Variants in CAMTA1 observed in about 807,000 individuals in gnomAD.
CAMTA1 encodes calmodulin-binding transcription activator 1.
Under a neutral mutation model 170.9 loss-of-function variants are expected in CAMTA1, and 27 were observed. The observed-to-expected ratio is 0.16, with a 90% CI of 0.12 to 0.22. CAMTA1 has a LOEUF of 0.22. Ranked by LOEUF, CAMTA1 falls within the 10% of genes least tolerant of loss-of-function variation. The probability of loss-of-function intolerance (pLI) is 1.00; values close to 1 mark genes in which losing one functional copy is unlikely to be tolerated. For missense variants in CAMTA1, 1,619 were observed against 2,217.2 expected (o/e 0.73, Z 5.42); for synonymous variants, 833 against 891.5 (o/e 0.93, Z 1.17).
At chr1:6,989,820 G>A (rs1407241886) in intron 3 of CAMTA1, among the ~76,000 whole-genome samples, 2 of 152,260 alleles carry the variant, frequency 1.3e-5, no homozygotes, top group African/African-American at 2.4e-5. Flanking sequence ...CCATTACCTA[G>A]ACCTTTCAAA....
chr1:7,651,910 CA>C (rs2095850731), intron 7 of CAMTA1, among the ~76,000 whole-genome samples: 1 of 152,252 alleles, frequency 6.6e-6, no homozygotes, highest in South Asian at 2.1e-4. Context: ...ACATAGCCAG[CA>C]CAGGGCATCG....
At chr1:6,863,843 A>C (rs1056405836) in intron 3 of CAMTA1, among the ~76,000 whole-genome samples, 3 of 152,188 alleles carry the variant, frequency 2.0e-5, no homozygotes, top group Non-Finnish European at 4.4e-5. Context: ...GTTCTTTTTC[A>C]GAATCCCATT....
At chr1:7,367,909 C>T (rs1007235882) in intron 5 of CAMTA1, among the ~76,000 whole-genome samples, 32 of 151,670 alleles carry the variant, frequency 2.1e-4, no homozygotes, top group Non-Finnish European at 2.9e-4. Flanking sequence ...TGGGCACAGA[C>T]ACTGGGCACT....
intron 16 of CAMTA1, among the ~76,000 whole-genome samples, chr1:7,739,457 G>T (rs543309781): frequency 6.6e-6 from 1 of 152,160 alleles, no homozygotes; most frequent in East Asian, 1.9e-4. Flanking sequence ...GAGTTGCCGG[G>T]GGCACCACTT....
intron 11 of CAMTA1, among the ~76,000 whole-genome samples, chr1:7,683,540 C>A (rs1381916075): frequency 1.3e-5 from 2 of 149,716 alleles, no homozygotes; most frequent in Non-Finnish European, 3.0e-5. Flanking sequence ...AGGACGCCCA[C>A]CCCACCGAGA....
Position 7,468,986 on chromosome 1 carries a change from G to A in CAMTA1, c.510+1085G>A, listed in dbSNP as rs1028840913. Among the ~76,000 whole-genome samples the A allele has an allele frequency of 1.4e-4, 21 of 152,200 alleles. 1 individual carries two copies. Among genetic ancestry groups the A allele is most frequent in the Admixed American group, 1.2e-3 (18 of 15,286 alleles). On this transcript the variant is annotated intron_variant, in intron 6 of 22. Coordinates refer to ENST00000303635, the MANE Select transcript of CAMTA1 (RefSeq NM_015215.4). ...GTGCCCACAGGGCCGGAGCCATGTC[G>A]ATGTGGAGGCCGGGCTCAGCCTAGA... is the stretch of plus-strand genomic sequence containing the variant.
Position 7,732,388 on chromosome 1 carries a change from C to G in CAMTA1, c.2915-60C>G. On this transcript the variant is annotated intron_variant, in intron 11 of 22. Coordinates refer to ENST00000303635, the MANE Select transcript of CAMTA1 (RefSeq NM_015215.4). The surrounding 1 kb of genome is among the most constrained non-coding windows in gnomAD (Gnocchi z 4.1). ...GCTGGTCCCGCAAGGCTGGCGAGGC[C>G]ACGTGTTGACTGCTTTTCTTCCAGA... is the stretch of plus-strand genomic sequence containing the variant. 6.7e-7 allele frequency: 1 copy of G among 1,490,874 alleles called. No homozygotes were observed. Among genetic ancestry groups the G allele is most frequent in the Non-Finnish European group, 9.3e-7 (1 of 1,070,296 alleles). The allele number at this position is 1,490,874 out of a possible 1,614,324, so 92.4% of individuals were successfully genotyped here.
chr1:7,486,627 A>T (rs2093621400), intron 6 of CAMTA1, among the ~76,000 whole-genome samples: 1 of 152,204 alleles, frequency 6.6e-6, no homozygotes, highest in South Asian at 2.1e-4. Flanking sequence ...CTGTTGCTAC[A>T]GCTCAGCTCC....
At chr1:7,158,270 C>T (rs1647011974) in intron 4 of CAMTA1, among the ~76,000 whole-genome samples, 4 of 152,168 alleles carry the variant, frequency 2.6e-5, no homozygotes, top group Admixed American at 2.0e-4. Context: ...TTATATGTTT[C>T]ATTTATATCA....
At chr1:7,576,739 G>T (rs1222917898) in intron 6 of CAMTA1, among the ~76,000 whole-genome samples, 1 of 152,170 alleles carries the variant, frequency 6.6e-6, no homozygotes, top group Non-Finnish European at 1.5e-5. Flanking sequence ...ATGGGAGCGG[G>T]TGCTGCAGCT....
rs943062878 is a variant in CAMTA1 at position 7,456,882 on chromosome 1, C to T, written c.439-10948C>T. On this transcript the variant is annotated intron_variant, in intron 5 of 22. Transcript: ENST00000303635. This position sits in a 1 kb window ranked among gnomAD's most constrained non-coding sequence, Gnocchi z 4.9. ...CCTGGACGTGACCCTAAGCAGCAGG[C>T]GCTAGAGCTGACGAGAACAGCCCAT... Among the ~76,000 whole-genome samples, 21 of 152,306 alleles carry T rather than the reference C, an allele frequency of 1.4e-4. No homozygotes were observed. The highest frequency in any genetic ancestry group is 2.4e-4 in the Non-Finnish European group (16 of 68,028).
At chr1:7,035,912 T>G (rs1257586619) in intron 3 of CAMTA1, among the ~76,000 whole-genome samples, 1 of 152,172 alleles carries the variant, frequency 6.6e-6, no homozygotes, top group Non-Finnish European at 1.5e-5. Context: ...ATGAATAAGC[T>G]AAGGCTGTGT....
chr1:7,695,737 G>A (rs1160057506), intron 11 of CAMTA1, among the ~76,000 whole-genome samples: 2 of 152,114 alleles, frequency 1.3e-5, no homozygotes, highest in African/African-American at 4.8e-5. Context: ...GCAGGGGGTG[G>A]GGGCATGCGA....
intron 6 of CAMTA1, among the ~76,000 whole-genome samples, chr1:7,542,425 TTTTGTTTTTTTTGTTTG>T (rs1022881020): frequency 3.9e-5 from 6 of 152,226 alleles, no homozygotes; most frequent in African/African-American, 1.4e-4. Context: ...AAACATATTT[TTTTGTTTTTTTTGTTTG>T]TTTGTTTTTT....
At chr1:7,710,841 C>T (rs2995034) in intron 11 of CAMTA1, among the ~76,000 whole-genome samples, 61,090 of 151,760 alleles carry the variant, frequency 0.4, 13,357 homozygotes, top group East Asian at 0.65. Context: ...TACCAGATGT[C>T]TCCAGGAAGA....
chr1:6,804,316 C>A (rs1000210308), intron 1 of CAMTA1, among the ~76,000 whole-genome samples: 1 of 151,540 alleles, frequency 6.6e-6, no homozygotes, highest in Admixed American at 6.6e-5. Context: ...CTGTGCCCAG[C>A]CTGATTTGTT....
intron 5 of CAMTA1, among the ~76,000 whole-genome samples, chr1:7,357,744 C>CT (rs1373424751): frequency 6.6e-6 from 1 of 152,284 alleles, no homozygotes; most frequent in East Asian, 1.9e-4. Context: ...TCCTTAGGGT[C>CT]TTATGACTCA....
intron 5 of CAMTA1, among the ~76,000 whole-genome samples, chr1:7,256,054 T>C (rs7549870): frequency 0.75 from 114,376 of 151,966 alleles, 43,476 homozygotes; most frequent in African/African-American, 0.85. Flanking sequence ...ATCTGAATTT[T>C]TGTGCCTCGT....
chr1:7,493,125 C>CACAA (rs144914989), intron 6 of CAMTA1, among the ~76,000 whole-genome samples: 3,841 of 137,242 alleles, frequency 0.028, 278 homozygotes, highest in African/African-American at 0.069. Flanking sequence ...CACGCGCACA[C>CACAA]ACAGACATAC....
Sources: allele counts gnomAD v4.1 joint callset (sites outside exome capture counted in the v4.1 genomes callset), GRCh38; gene constraint gnomAD v4.1.1; non-coding constraint Gnocchi (gnomAD v3.1); transcripts MANE v1.5; gene names NCBI Gene and HGNC (gene_info 2026-07-23, HGNC 2026-07-21).